The following CDK14 variants were observed in gnomAD, a reference collection of about 807,000 sequenced individuals.
CDK14 encodes cyclin dependent kinase 14.
Under a neutral mutation model 60.7 loss-of-function variants are expected in CDK14, and 34 were observed. That is an observed-to-expected ratio of 0.56 (90% CI 0.43 to 0.75). CDK14 has a LOEUF of 0.75. CDK14 is among the 30% of genes least tolerant of loss of function. The pLI is 0.00. For synonymous variants in CDK14, 197 were observed against 203.7 expected (o/e 0.97, Z 0.28); for missense variants, 482 against 564.1 (o/e 0.85, Z 1.47).
At chr7:90,790,722 A>G in intron 5 of CDK14, 70 bp downstream of exon 5, 1 of 897,450 alleles carries the variant, frequency 1.1e-6, no homozygotes, top group Non-Finnish European at 1.8e-6. Flanking sequence ...AATATTATAC[A>G]CCTCTGAATA....
At position 90,785,804 on chromosome 7, in the gene CDK14, AAAG is replaced by A. The variant is rs201696109; in HGVS notation, c.465-4767_465-4765del. Reference sequence around the variant, plus strand: ...TCCGTCTCAAAAAAAAAAAAAAAAAAAAGAGAAAACTTCTAGACCTTGCTTTAC... The same window carrying A: ...TCCGTCTCAAAAAAAAAAAAAAAAAAAGAAAACTTCTAGACCTTGCTTTAC... On this transcript the variant is annotated intron_variant, in intron 4 of 14. Transcript: ENST00000380050. 1.8e-3 allele frequency among the ~76,000 whole-genome samples: 265 copies of A among 148,420 alleles called. 11 individuals are homozygous for A. Among genetic ancestry groups the A allele is most frequent in the African/African-American group, 5.0e-3 (202 of 40,558 alleles).
chr7:90,614,786 C>T (rs1799615711), intron 2 of CDK14, among the ~76,000 whole-genome samples: 1 of 151,872 alleles, frequency 6.6e-6, no homozygotes, highest in East Asian at 1.9e-4. Flanking sequence ...TTGAAATGAA[C>T]TGTTGTTTCT....
At chr7:91,045,003 G>A (rs185425556) in intron 10 of CDK14, among the ~76,000 whole-genome samples, 8 of 152,346 alleles carry the variant, frequency 5.3e-5, no homozygotes, top group Admixed American at 2.6e-4. Context: ...TACAGATGAG[G>A]AAATTGGAGC....
At chr7:91,004,813 A>C (rs531834544) in intron 10 of CDK14, among the ~76,000 whole-genome samples, 1 of 152,362 alleles carries the variant, frequency 6.6e-6, no homozygotes, top group Non-Finnish European at 1.5e-5. Context: ...ATCAGGGTTC[A>C]GTCTGGTCAA....
intron 5 of CDK14, chr7:90,824,659 C>G (rs1051385924): frequency 6.6e-6 from 1 of 152,202 alleles, no homozygotes. Flanking sequence ...GCATCTGTTT[C>G]CTTAAAATAT....
chr7:90,788,095 A>G (rs1397447870), intron 4 of CDK14, among the ~76,000 whole-genome samples: 2 of 152,166 alleles, frequency 1.3e-5, no homozygotes, highest in Non-Finnish European at 2.9e-5. Flanking sequence ...AGTTCACAAT[A>G]CGTGATATAT....
intron 10 of CDK14, among the ~76,000 whole-genome samples, chr7:91,038,099 C>G (rs1405850810): frequency 6.6e-6 from 1 of 152,150 alleles, no homozygotes; most frequent in East Asian, 1.9e-4. Flanking sequence ...CCCTCAGTCA[C>G]CTGCCTGACT....
intron 2 of CDK14, among the ~76,000 whole-genome samples, chr7:90,714,876 G>A (rs1241198722): frequency 6.6e-6 from 1 of 151,978 alleles, no homozygotes; most frequent in Non-Finnish European, 1.5e-5. Context: ...TTGTAGATTT[G>A]GAGATGTATG....
At chr7:90,790,470 G>C in intron 4 of CDK14, 103 bp from the exon 5 acceptor site, 1 of 663,290 alleles carries the variant, frequency 1.5e-6, no homozygotes, top group East Asian at 3.0e-5. Context: ...GACATTTTTA[G>C]CATAAAAGTG....
At chr7:90,826,065 A>G (rs567323720) in intron 5 of CDK14, among the ~76,000 whole-genome samples, 14 of 152,312 alleles carry the variant, frequency 9.2e-5, no homozygotes, top group African/African-American at 3.4e-4. Context: ...TGTTGGAGTG[A>G]ATTGTATGTA....
rs114138762 is a variant in CDK14, at chr7:90,759,365, A to G, written c.464+11590A>G. On this transcript the variant is annotated intron_variant, in intron 4 of 14. Transcript: ENST00000380050. ...AAATTTGTTGAACTTTGAGGGCCTT[A>G]AGCTAAAAGTAAACAGATTCACTTT... 5.6e-3 allele frequency among the ~76,000 whole-genome samples: 854 copies of G among 152,326 alleles called. 14 individuals are homozygous for G. The highest frequency in any genetic ancestry group is 0.019 in the African/African-American group (808 of 41,560).
At position 91,086,863 on chromosome 7, in the gene CDK14, T is replaced by C. The variant is rs17163568; in HGVS notation, c.1154+7383T>C. On this transcript the variant is annotated intron_variant, in intron 12 of 14. Transcript: ENST00000380050. ...TTTGATTAAGAAAATATTTACAAAT[T>C]TAGTGAATGTTCAGCCTCAAAATAA... Among the ~76,000 whole-genome samples, 1,496 of 152,330 alleles carry C rather than the reference T, an allele frequency of 9.8e-3. 20 individuals carry two copies. The highest frequency in any genetic ancestry group is 0.033 in the African/African-American group (1,360 of 41,578).
At chr7:91,046,300 G>T (rs1797232856) in intron 11 of CDK14, among the ~76,000 whole-genome samples, 1 of 152,094 alleles carries the variant, frequency 6.6e-6, no homozygotes, top group South Asian at 2.1e-4. Flanking sequence ...GTCACTTCTT[G>T]TAGTAAGTGA....
At chr7:91,011,144 T>G (rs1251617018) in intron 10 of CDK14, among the ~76,000 whole-genome samples, 1 of 152,008 alleles carries the variant, frequency 6.6e-6, no homozygotes, top group Admixed American at 6.6e-5. Flanking sequence ...TCTTGTCTAC[T>G]GAGATTATGA....
In CDK14 at chr7:90,626,923, A is replaced by C. The variant is rs185867336; in HGVS notation, c.123+22674A>C. On this transcript the variant is annotated intron_variant, in intron 2 of 14. Coordinates refer to ENST00000380050, the MANE Select transcript of CDK14 (RefSeq NM_001287135.2). Reference sequence around the variant, plus strand: ...CATCGCACTCCAGTCTCGGTGATAGAATGAGACCCTGTCTCAAAAAACAAA... The same window carrying C: ...CATCGCACTCCAGTCTCGGTGATAGCATGAGACCCTGTCTCAAAAAACAAA... 9.3e-4 allele frequency among the ~76,000 whole-genome samples: 142 copies of C among 152,076 alleles called. 1 individual carries two copies. The highest frequency in any genetic ancestry group is 3.2e-3 in the African/African-American group (132 of 41,450).
At chr7:91,091,281 T>C (rs1277418825) in intron 12 of CDK14, among the ~76,000 whole-genome samples, 1 of 145,442 alleles carries the variant, frequency 6.9e-6, no homozygotes, top group Non-Finnish European at 1.5e-5. Context: ...TATATAAATA[T>C]ATATGTATAT....
At chr7:91,038,834 C>G (rs980813543) in intron 10 of CDK14, among the ~76,000 whole-genome samples, 1 of 152,220 alleles carries the variant, frequency 6.6e-6, no homozygotes, top group African/African-American at 2.4e-5. Flanking sequence ...CAAGCTCTCT[C>G]TTTGCCGGCC....
intron 14 of CDK14, among the ~76,000 whole-genome samples, chr7:91,161,382 T>C (rs1382422735): frequency 3.9e-5 from 6 of 152,214 alleles, no homozygotes; most frequent in Non-Finnish European, 8.8e-5. Context: ...GCAAGACATT[T>C]TCTGTATAAT....
chr7:90,901,438 A>T lies in CDK14; in HGVS notation c.702+2085A>T, dbSNP rs143652468. On this transcript the variant is annotated intron_variant, in intron 7 of 14. Coordinates refer to ENST00000380050, the MANE Select transcript of CDK14 (RefSeq NM_001287135.2). ...TTACTACATTTTTGTTTCTAAAAAA[A>T]ATGTGATGTGATTTACCTCTTCTTA... Among the ~76,000 whole-genome samples the T allele has an allele frequency of 3.0e-4, 45 of 152,290 alleles. 2 individuals carry two copies. The East Asian group carries it at 6.4e-3, about 22-fold the overall frequency.
Sources: gnomAD v4.1 joint callset for allele counts (sites outside exome capture counted in the v4.1 genomes callset) on GRCh38, gnomAD v4.1.1 for gene constraint, MANE v1.5 for transcripts, NCBI Gene and HGNC (gene_info 2026-07-23, HGNC 2026-07-21) for gene names.